The following RIMS1 variants were observed in gnomAD, a reference collection of about 807,000 sequenced individuals.
RIMS1 encodes regulating synaptic membrane exocytosis protein 1.
Under a neutral mutation model 214.1 loss-of-function variants are expected in RIMS1, and 83 were observed. The observed-to-expected ratio is 0.39, with a 90% CI of 0.32 to 0.47. RIMS1 has a LOEUF of 0.47. RIMS1 is among the 20% of genes least tolerant of loss of function. The probability of loss-of-function intolerance (pLI) is 0.99; values close to 1 mark genes in which losing one functional copy is unlikely to be tolerated. For synonymous variants in RIMS1, 793 were observed against 786.8 expected (o/e 1.01, Z -0.13); for missense variants, 2,050 against 2,161.8 (o/e 0.95, Z 1.03).
rs2080368889 is a variant in RIMS1, at chr6:72,266,018, G to C, written c.3367G>C (p.Asp1123His). ...TGCTAGTACCAACTGCTTGAGACCA[G>C]ATACTAGTTTGCATTCACCAGAACG... ...RSASTNCLRP[D>H]TSLHSPERER... Residue 1123 changes from aspartate (D) to histidine (H), a missense_variant, in exon 22 of 34, where the codon GAT becomes CAT. Coordinates refer to ENST00000521978, the MANE Select transcript of RIMS1 (RefSeq NM_014989.7). The C allele has an allele frequency of 1.9e-6, 3 of 1,584,502 alleles. No individual in the cohort carries two copies. The highest frequency in any genetic ancestry group is 2.6e-6 in the Non-Finnish European group (3 of 1,164,122).
chr6:72,253,859 GTATT>G (rs551813058), intron 16 of RIMS1, among the ~76,000 whole-genome samples: 35 of 151,804 alleles, frequency 2.3e-4, no homozygotes, highest in African/African-American at 8.4e-4. Flanking sequence ...AGAATATATG[GTATT>G]TATTTATTTA....
At chr6:72,000,107 CAG>C (rs1049988222) in intron 2 of RIMS1, among the ~76,000 whole-genome samples, 3 of 151,918 alleles carry the variant, frequency 2.0e-5, no homozygotes, top group African/African-American at 7.2e-5. Flanking sequence ...GGAAAAAAAA[CAG>C]TGTAAACTTA....
intron 2 of RIMS1, among the ~76,000 whole-genome samples, chr6:71,977,701 A>G (rs1414347726): frequency 6.6e-6 from 1 of 152,158 alleles, no homozygotes; most frequent in Non-Finnish European, 1.5e-5. Context: ...GGAAAAGGGA[A>G]TTCCAGGCAG....
At chr6:72,018,172 G>A (rs1282565695) in intron 2 of RIMS1, among the ~76,000 whole-genome samples, 1 of 151,786 alleles carries the variant, frequency 6.6e-6, no homozygotes, top group South Asian at 2.1e-4. Context: ...TAGATGAGAG[G>A]CAATGACTTT....
At chr6:71,893,872 G>A (rs941605542) in intron 1 of RIMS1, among the ~76,000 whole-genome samples, 13 of 152,170 alleles carry the variant, frequency 8.5e-5, no homozygotes, top group African/African-American at 3.1e-4. Flanking sequence ...GAAGGTGACT[G>A]TACATGTTGA....
intron 1 of RIMS1, among the ~76,000 whole-genome samples, chr6:71,894,832 T>C (rs977873407): frequency 5.9e-5 from 9 of 152,240 alleles, no homozygotes; most frequent in Non-Finnish European, 7.3e-5. Flanking sequence ...ATGCAATATG[T>C]AAGTAATCAA....
chr6:72,206,907 A>G (rs1378913118), intron 6 of RIMS1, among the ~76,000 whole-genome samples: 2 of 152,216 alleles, frequency 1.3e-5, no homozygotes, highest in Admixed American at 6.5e-5. Context: ...CATTTTAAAG[A>G]TTCCAGTTCT....
rs1366602458 is a variant in RIMS1 at position 71,930,058 on chromosome 6, A to C, written c.165-38925A>C. On this transcript the variant is annotated intron_variant, in intron 1 of 33. Coordinates refer to ENST00000521978, the MANE Select transcript of RIMS1 (RefSeq NM_014989.7). ...GTGTAAATCCTGAAAGTCCCAAGTG[A>C]ATGGGAATAAGGGTGTGAATACATG... Among the ~76,000 whole-genome samples the C allele has an allele frequency of 2.0e-5, 3 of 152,114 alleles. No homozygotes were observed. The East Asian group carries it at 5.8e-4, about 29-fold the overall frequency.
chr6:72,181,621 A>C (rs2496506), intron 5 of RIMS1, among the ~76,000 whole-genome samples: 105,362 of 152,068 alleles, frequency 0.69, 36,972 homozygotes, highest in East Asian at 0.84. Flanking sequence ...GGGACAAATA[A>C]CTTTACTAAT....
chr6:72,397,662 C>A (rs1379714682), intron 31 of RIMS1, among the ~76,000 whole-genome samples: 2 of 152,176 alleles, frequency 1.3e-5, no homozygotes, highest in Non-Finnish European at 2.9e-5. Flanking sequence ...TATTTACATA[C>A]ACTGCACTAT....
intron 23 of RIMS1, among the ~76,000 whole-genome samples, chr6:72,281,758 T>C (rs982596354): frequency 6.6e-6 from 1 of 152,084 alleles, no homozygotes; most frequent in Non-Finnish European, 1.5e-5. Flanking sequence ...ACCATTTCAA[T>C]AAGTCCTTTC....
intron 23 of RIMS1, among the ~76,000 whole-genome samples, chr6:72,281,938 T>C (rs1422493425): frequency 6.6e-6 from 1 of 152,158 alleles, no homozygotes; most frequent in East Asian, 1.9e-4. Flanking sequence ...AAGTGTACAT[T>C]TCTTGAAGGT....
intron 1 of RIMS1, among the ~76,000 whole-genome samples, chr6:71,919,728 G>C (rs758585148): frequency 2.0e-5 from 3 of 152,182 alleles, no homozygotes; most frequent in African/African-American, 4.8e-5. Flanking sequence ...GTGAGAGCCA[G>C]CTAAAGAGTA....
chr6:71,982,937 A>G (rs1798864367), intron 2 of RIMS1, among the ~76,000 whole-genome samples: 1 of 152,082 alleles, frequency 6.6e-6, no homozygotes, highest in South Asian at 2.1e-4. Context: ...TCTGGTCTAA[A>G]TGTTTTACAA....
At position 72,208,950 on chromosome 6, in the gene RIMS1, G is replaced by T. The variant is rs372463337; in HGVS notation, c.1679-24823G>T. ...AATTACTCCATATGGTTGGGTCAGGGTCTGGAAGCTTTAGGGCTCTGTAGC... is the reference window on the plus strand; with the variant it reads ...AATTACTCCATATGGTTGGGTCAGGTTCTGGAAGCTTTAGGGCTCTGTAGC... On this transcript the variant is annotated intron_variant, in intron 6 of 33. Coordinates refer to ENST00000521978, the MANE Select transcript of RIMS1 (RefSeq NM_014989.7). 4.6e-5 allele frequency among the ~76,000 whole-genome samples: 7 copies of T among 152,224 alleles called. No homozygotes were observed. The East Asian group carries it at 5.8e-4, about 13-fold the overall frequency.
intron 6 of RIMS1, among the ~76,000 whole-genome samples, chr6:72,226,230 G>A (rs2060139451): frequency 6.6e-6 from 1 of 152,052 alleles, no homozygotes; most frequent in African/African-American, 2.4e-5. Context: ...GGCCAATGTA[G>A]AGGTAAGAAA....
chr6:72,118,318 T>C (rs1306127380), intron 4 of RIMS1, among the ~76,000 whole-genome samples: 1 of 151,314 alleles, frequency 6.6e-6, no homozygotes, highest in Non-Finnish European at 1.5e-5. Flanking sequence ...ATTTTTTTTT[T>C]ATTTTTCAGT....
At chr6:72,176,473 CTT>C (rs1254785901) in intron 4 of RIMS1, among the ~76,000 whole-genome samples, 1 of 151,930 alleles carries the variant, frequency 6.6e-6, no homozygotes, top group African/African-American at 2.4e-5. Context: ...TTCTTTATAA[CTT>C]ATATGAGCAA....
chr6:72,122,013 G>A (rs757890694), intron 4 of RIMS1, among the ~76,000 whole-genome samples: 4 of 151,806 alleles, frequency 2.6e-5, no homozygotes, highest in African/African-American at 4.8e-5. Context: ...CAACTTGATC[G>A]TGGTGGATAA....
Sources: gnomAD v4.1 joint callset for allele counts (sites outside exome capture counted in the v4.1 genomes callset) on GRCh38, gnomAD v4.1.1 for gene constraint, MANE v1.5 for transcripts, NCBI Gene and HGNC (gene_info 2026-07-23, HGNC 2026-07-21) for gene names.